The following RMDN2 variants were observed in gnomAD, a reference collection of about 807,000 sequenced individuals.
The protein encoded by RMDN2 is regulator of microtubule dynamics 2, also known as regulator of microtubule dynamics protein 2.
Under a neutral mutation model 52.8 loss-of-function variants are expected in RMDN2, and 61 were observed. The ratio of observed to expected loss-of-function variants is 1.16; its 90% CI spans 0.94 to 1.43. The LOEUF (loss-of-function observed/expected upper bound fraction) is 1.43. Among genes scored for constraint, RMDN2 ranks in the 40% most tolerant of loss-of-function variants. The pLI is 0.00. For synonymous variants in RMDN2, 180 were observed against 153.1 expected (o/e 1.18, Z -1.30); for missense variants, 592 against 475.3 (o/e 1.25, Z -2.28).
chr2:37,983,548 A>G (rs993502151), intron 5 of RMDN2, among the ~76,000 whole-genome samples: 1 of 152,210 alleles, frequency 6.6e-6, no homozygotes, highest in Non-Finnish European at 1.5e-5. Context: ...AATAAAATTA[A>G]TCAGTTGATT....
chr2:38,040,011 T>A (rs1188854263), intron 10 of RMDN2, among the ~76,000 whole-genome samples: 5 of 151,170 alleles, frequency 3.3e-5, no homozygotes, highest in Non-Finnish European at 7.4e-5. Flanking sequence ...TTTGAGTCAA[T>A]GTTTTTGAAC....
chr2:37,950,873 C>G (rs1408837332), intron 2 of RMDN2, among the ~76,000 whole-genome samples: 1 of 151,970 alleles, frequency 6.6e-6, no homozygotes, highest in Non-Finnish European at 1.5e-5. Context: ...CCTTTAAAAC[C>G]AGTTCTATCT....
rs764550075 is a variant in RMDN2, at chr2:37,929,547, A to G, written c.270A>G (p.Lys90=). The part of the protein sequence containing the change: ...NELLTNMEEL[K]EEIRFLKEAI... ...TACTGACAAATATGGAAGAACTCAA[A>G]GAGGAAATCAGATTTCTTAAAGAAG... The change falls in exon 2 of 11, where the codon AAA becomes AAG. Residue 90 remains lysine (K), a synonymous_variant. Coordinates refer to ENST00000354545, the MANE Select transcript of RMDN2 (RefSeq NM_001170791.3). 2.0e-5 allele frequency: 31 copies of G among 1,551,732 alleles called. No individual in the cohort carries two copies. The South Asian group carries it at 3.6e-4, about 18-fold the overall frequency.
At chr2:37,960,562 T>A (rs1304735001) in intron 2 of RMDN2, among the ~76,000 whole-genome samples, 1 of 152,240 alleles carries the variant, frequency 6.6e-6, no homozygotes, top group Non-Finnish European at 1.5e-5. Context: ...GTCTCCTGAA[T>A]ACAGCACACC....
intron 8 of RMDN2, among the ~76,000 whole-genome samples, chr2:38,002,161 G>A (rs1573025748): frequency 6.6e-6 from 1 of 152,128 alleles, no homozygotes; most frequent in South Asian, 2.1e-4. Context: ...CTTATAAGGT[G>A]TTGGACCACT....
intron 10 of RMDN2, chr2:38,039,475 C>T (rs773973051): frequency 6.6e-6 from 1 of 152,194 alleles, no homozygotes; most frequent in Non-Finnish European, 1.5e-5. Flanking sequence ...CTACAGCCCC[C>T]GCTTCTCTGG....
At chr2:37,951,787 A>G in intron 2 of RMDN2, 1 of 1,613,556 alleles carries the variant, frequency 6.2e-7, no homozygotes, top group Non-Finnish European at 8.5e-7. Context: ...AAGAATTTTG[A>G]AACAAACACT....
intron 10 of RMDN2, among the ~76,000 whole-genome samples, chr2:38,043,053 T>C (rs747359856): frequency 6.6e-6 from 1 of 152,184 alleles, no homozygotes; most frequent in Non-Finnish European, 1.5e-5. Context: ...CCTCACTGAT[T>C]TTCTGATTGT....
At chr2:37,993,997 A>C (rs775344151) in intron 7 of RMDN2, among the ~76,000 whole-genome samples, 2 of 152,216 alleles carry the variant, frequency 1.3e-5, no homozygotes, top group Non-Finnish European at 2.9e-5. Context: ...TCTGATCTTC[A>C]CACCATAGAG....
intron 2 of RMDN2, chr2:37,952,628 C>T (rs1031538660): frequency 4.5e-5 from 10 of 222,114 alleles, no homozygotes; most frequent in Non-Finnish European, 7.9e-5. Flanking sequence ...ATCATTAGAG[C>T]TATTTTCATC....
chr2:38,000,742 T>G lies in RMDN2; in HGVS notation c.1044+3228T>G, dbSNP rs560250482. Among the ~76,000 whole-genome samples the G allele has an allele frequency of 7.9e-5, 12 of 152,354 alleles. No individual in the cohort carries two copies. In the East Asian group the frequency reaches 2.1e-3, roughly 27 times the overall value. On this transcript the variant is annotated intron_variant, in intron 8 of 10. Coordinates refer to ENST00000354545, the MANE Select transcript of RMDN2 (RefSeq NM_001170791.3). Reference sequence around the variant, plus strand: ...TACCATAATTTGTTTATGTGTTAACTTACTGATAGACATTTGAGTTGTTTC... The same window carrying G: ...TACCATAATTTGTTTATGTGTTAACGTACTGATAGACATTTGAGTTGTTTC...
Position 37,978,077 on chromosome 2 carries a change from G to A in RMDN2, c.730+2763G>A, listed in dbSNP as rs867829156. ...ACTCTGTCTGCAATCCCGACACCTC[G>A]GGAGGCCGAGGCTGGCAGATCACTC... On this transcript the variant is annotated intron_variant, in intron 4 of 10. Coordinates refer to ENST00000354545, the MANE Select transcript of RMDN2 (RefSeq NM_001170791.3). Among the ~76,000 whole-genome samples, 4 of 152,196 alleles carry A rather than the reference G, an allele frequency of 2.6e-5. 1 individual carries two copies. In the South Asian group the frequency reaches 6.2e-4, roughly 24 times the overall value.
chr2:37,950,715 T>C, intron 2 of RMDN2: 1 of 968,818 alleles, frequency 1.0e-6, no homozygotes, highest in East Asian at 2.4e-5. Flanking sequence ...TGTCCAGATA[T>C]TCACTTGAAA....
chr2:37,993,228 G>A (rs968466356), intron 7 of RMDN2, among the ~76,000 whole-genome samples: 1 of 151,992 alleles, frequency 6.6e-6, no homozygotes, highest in African/African-American at 2.4e-5. Context: ...CCTGGCCCAG[G>A]CAGTTTACTT....
intron 10 of RMDN2, among the ~76,000 whole-genome samples, chr2:38,040,251 C>T (rs908258943): frequency 9.2e-5 from 14 of 152,004 alleles, no homozygotes; most frequent in East Asian, 1.9e-4. Context: ...ATCAATACCA[C>T]GCTGTCTTTA....
intron 2 of RMDN2, among the ~76,000 whole-genome samples, chr2:37,957,805 C>T (rs1197067738): frequency 2.0e-5 from 3 of 152,096 alleles, no homozygotes; most frequent in Non-Finnish European, 4.4e-5. Flanking sequence ...TTTGATCCTT[C>T]TTGAGTTGAT....
intron 10 of RMDN2, among the ~76,000 whole-genome samples, chr2:38,029,006 C>G (rs960422358): frequency 6.6e-6 from 1 of 152,130 alleles, no homozygotes; most frequent in Admixed American, 6.5e-5. Flanking sequence ...AGGCAAAGAA[C>G]AGGAGACTGG....
In RMDN2 at chr2:37,971,156, AT is replaced by A. The variant is rs573978141; in HGVS notation, c.453-2883del. On this transcript the variant is annotated intron_variant, in intron 2 of 10. Coordinates refer to ENST00000354545, the MANE Select transcript of RMDN2 (RefSeq NM_001170791.3). ...TCCAAGATCACAAATATTTGCTCCT[AT>A]GTTTTCTTATGAGAAAGAAAACATA... Among the ~76,000 whole-genome samples the A allele has an allele frequency of 1.9e-3, 291 of 152,184 alleles. 1 individual carries two copies. Among genetic ancestry groups the A allele is most frequent in the African/African-American group, 5.2e-3 (217 of 41,534 alleles).
chr2:37,939,090 G>A (rs757852686), intron 2 of RMDN2, among the ~76,000 whole-genome samples: 6 of 152,248 alleles, frequency 3.9e-5, no homozygotes, highest in Middle Eastern at 3.4e-3. Context: ...ATTCTGGTAC[G>A]TTGCATTTTT....
Sources: gnomAD v4.1 joint callset for allele counts (sites outside exome capture counted in the v4.1 genomes callset) on GRCh38, gnomAD v4.1.1 for gene constraint, MANE v1.5 for transcripts, NCBI Gene and HGNC (gene_info 2026-07-23, HGNC 2026-07-21) for gene names.